CRIM1: variants seen among roughly 807,000 people sequenced by gnomAD.
CRIM1 encodes the protein cysteine-rich motor neuron 1 protein.
Under a neutral mutation model 116.4 loss-of-function variants are expected in CRIM1, and 32 were observed. The ratio of observed to expected loss-of-function variants is 0.27; its 90% confidence interval spans 0.21 to 0.37. CRIM1 has a LOEUF of 0.37. Ranked by LOEUF, CRIM1 falls within the 10% of genes least tolerant of loss-of-function variation. The pLI, the probability that CRIM1 is intolerant of heterozygous loss-of-function variation, is 1.00. For missense variants in CRIM1, 1,331 were observed against 1,354.8 expected (o/e 0.98, Z 0.28); for synonymous variants, 590 against 509.2 (o/e 1.16, Z -2.13).
chr2:36,439,437 T>G (rs848509), intron 2 of CRIM1, among the ~76,000 whole-genome samples: 122,508 of 152,144 alleles, frequency 0.81, 50,035 homozygotes, highest in East Asian at 0.99. Context: ...TATAATCAAA[T>G]CTCTAATTTG....
intron 7 of CRIM1, among the ~76,000 whole-genome samples, chr2:36,491,800 G>GCA (rs1375964377): frequency 6.6e-6 from 1 of 152,036 alleles, no homozygotes; most frequent in Admixed American, 6.6e-5. Context: ...ACTTAAATGT[G>GCA]CACACACACA....
intron 14 of CRIM1, among the ~76,000 whole-genome samples, chr2:36,542,906 T>C (rs893690744): frequency 3.9e-5 from 6 of 152,166 alleles, no homozygotes; most frequent in African/African-American, 1.4e-4. Context: ...CAGCACATTT[T>C]CTAAGCTCTT....
chr2:36,544,833 C>G (rs1253060974), intron 15 of CRIM1, among the ~76,000 whole-genome samples: 1 of 152,168 alleles, frequency 6.6e-6, no homozygotes, highest in African/African-American at 2.4e-5. Context: ...TATATATAAA[C>G]TTTGTAAGGA....
rs1229076874 is a variant in CRIM1, at chr2:36,356,438, G to C, written c.146G>C (p.Arg49Thr). Residue 49 changes from arginine to threonine, a missense_variant, in exon 1 of 17, where the codon AGG becomes ACG. Physicochemically the swap from Arg to Thr is moderately conservative, Grantham distance 71. This residue lies in a region of CRIM1 where 690 missense variants were observed against 676.0 expected (regional missense o/e 1.02). Coordinates refer to ENST00000280527, the MANE Select transcript of CRIM1 (RefSeq NM_016441.3). The surrounding 1 kb of genome is among the most constrained non-coding windows in gnomAD (Gnocchi z 4.3). ...PCDESKCEEP[R>T]NCPGSIVQGV... ...GACGAGTCCAAGTGCGAGGAGCCCA[G>C]GAACTGCCCGGGGAGCATCGTGCAG... is the stretch of plus-strand genomic sequence containing the variant. The C allele has an allele frequency of 5.6e-6, 9 of 1,611,866 alleles. No homozygotes were observed. Among genetic ancestry groups the C allele is most frequent in the Middle Eastern group, 1.7e-4 (1 of 5,974 alleles).
At chr2:36,359,327 T>G (rs972054254) in intron 1 of CRIM1, among the ~76,000 whole-genome samples, 6 of 152,218 alleles carry the variant, frequency 3.9e-5, no homozygotes, top group African/African-American at 7.2e-5. Context: ...CTCCCTGCTT[T>G]CGATGACATA....
intron 2 of CRIM1, among the ~76,000 whole-genome samples, chr2:36,440,359 T>C (rs745973438): frequency 1.3e-5 from 2 of 152,232 alleles, no homozygotes; most frequent in African/African-American, 2.4e-5. Context: ...TTTCACCTAA[T>C]GTCTCCTGAA....
intron 7 of CRIM1, among the ~76,000 whole-genome samples, chr2:36,480,772 T>C (rs1679353643): frequency 6.6e-6 from 1 of 152,178 alleles, no homozygotes. Flanking sequence ...ATTACTGTAC[T>C]CAGAGTGCAG....
At chr2:36,486,717 A>G (rs748591124) in intron 7 of CRIM1, among the ~76,000 whole-genome samples, 1 of 152,212 alleles carries the variant, frequency 6.6e-6, no homozygotes, top group Non-Finnish European at 1.5e-5. Flanking sequence ...TAAGACAATA[A>G]TTGCATCTAA....
intron 5 of CRIM1, among the ~76,000 whole-genome samples, chr2:36,471,811 A>C (rs553643215): frequency 2.0e-5 from 3 of 152,050 alleles, no homozygotes; most frequent in Admixed American, 6.5e-5. Context: ...CCTAGGCCTC[A>C]TGTGGCCCGC....
intron 7 of CRIM1, among the ~76,000 whole-genome samples, chr2:36,483,718 A>G (rs964512276): frequency 6.6e-6 from 1 of 152,200 alleles, no homozygotes; most frequent in African/African-American, 2.4e-5. Context: ...AGATGCTCAA[A>G]ATTTTTAAAT....
intron 8 of CRIM1, among the ~76,000 whole-genome samples, chr2:36,503,879 A>AT (rs896545518): frequency 1.5e-4 from 22 of 149,344 alleles, no homozygotes; most frequent in African/African-American, 2.9e-4. Context: ...TAGCTTCTAG[A>AT]TTTTTTTTTT....
rs58549755 is a variant in CRIM1, at chr2:36,483,751, G to A, written c.1372+4057G>A. On this transcript the variant is annotated intron_variant, in intron 7 of 16. Transcript: ENST00000280527. Reference sequence around the variant, plus strand: ...AATGAGTAAATAATAAGTGAGGACAGTGAGGAGGAAAGAAAGACTGGAGCA... The same window carrying A: ...AATGAGTAAATAATAAGTGAGGACAATGAGGAGGAAAGAAAGACTGGAGCA... Among the ~76,000 whole-genome samples, 467 of 152,328 alleles carry A rather than the reference G, an allele frequency of 3.1e-3. 7 individuals are homozygous for A. Among genetic ancestry groups the A allele is most frequent in the African/African-American group, 0.011 (450 of 41,576 alleles).
intron 14 of CRIM1, among the ~76,000 whole-genome samples, chr2:36,539,392 A>T (rs1666783381): frequency 6.6e-6 from 1 of 151,998 alleles, no homozygotes. Context: ...AGCATGGAGG[A>T]GGTAAGAGGT....
intron 1 of CRIM1, among the ~76,000 whole-genome samples, chr2:36,362,896 T>G (rs1669321908): frequency 6.6e-6 from 1 of 151,992 alleles, no homozygotes. Context: ...GGTGGAAAAG[T>G]GTAATGTTCA....
intron 7 of CRIM1, among the ~76,000 whole-genome samples, chr2:36,487,556 G>T (rs1679913579): frequency 2.7e-5 from 1 of 36,386 alleles, no homozygotes; most frequent in African/African-American, 1.6e-4. Context: ...TTGAAGTCTG[G>T]TTTAAAAAAA....
intron 11 of CRIM1, among the ~76,000 whole-genome samples, chr2:36,514,012 T>C (rs552340163): frequency 7.2e-5 from 11 of 152,366 alleles, no homozygotes; most frequent in Admixed American, 5.2e-4. Flanking sequence ...GACTCAGTTA[T>C]GTAAGGTCTT....
intron 4 of CRIM1, among the ~76,000 whole-genome samples, chr2:36,454,879 A>G (rs146205253): frequency 2.3e-3 from 345 of 152,044 alleles, no homozygotes; most frequent in African/African-American, 7.8e-3. Flanking sequence ...CATCTCTGGG[A>G]TTAAGTAAGT....
intron 2 of CRIM1, among the ~76,000 whole-genome samples, chr2:36,419,470 C>T (rs1008087895): frequency 6.6e-6 from 1 of 152,148 alleles, no homozygotes; most frequent in Non-Finnish European, 1.5e-5. Context: ...TCATTGACAT[C>T]CCAGAATAGG....
At chr2:36,524,245 G>A (rs1456809902) in intron 13 of CRIM1, among the ~76,000 whole-genome samples, 2 of 152,122 alleles carry the variant, frequency 1.3e-5, no homozygotes, top group African/African-American at 2.4e-5. Flanking sequence ...TAGCTCCTAA[G>A]TGGAGCGAAA....
Sources: allele counts gnomAD v4.1 joint callset (sites outside exome capture counted in the v4.1 genomes callset), GRCh38; gene constraint gnomAD v4.1.1; regional missense constraint gnomAD v4.1.1; non-coding constraint Gnocchi (gnomAD v3.1); transcripts MANE v1.5; gene names NCBI Gene and HGNC (gene_info 2026-07-23, HGNC 2026-07-21).